The following SOX5 variants were observed in gnomAD, a reference collection of about 807,000 sequenced individuals.
The protein encoded by SOX5 is SRY-box transcription factor 5.
SOX5 carries 9 observed loss-of-function variants against 92.0 expected under a neutral mutation model. The ratio of observed to expected loss-of-function variants is 0.10; its 90% CI spans 0.06 to 0.17. The LOEUF (loss-of-function observed/expected upper bound fraction) is 0.17, where lower values mean the gene tolerates loss of function less well. SOX5 is among the 10% of genes least tolerant of loss of function. The probability of loss-of-function intolerance (pLI) is 1.00; values close to 1 mark genes in which losing one functional copy is unlikely to be tolerated. For missense variants in SOX5, 642 were observed against 944.5 expected (o/e 0.68, Z 4.20); for synonymous variants, 344 against 336.3 (o/e 1.02, Z -0.25).
At chr12:23,904,291 T>C (rs1176889499) in intron 1 of SOX5, among the ~76,000 whole-genome samples, 1 of 152,150 alleles carries the variant, frequency 6.6e-6, no homozygotes, top group Non-Finnish European at 1.5e-5. Context: ...ATATAGAACA[T>C]GCCAATCTCC....
intron 4 of SOX5, among the ~76,000 whole-genome samples, chr12:24,063,268 A>G (rs964080674): frequency 2.6e-5 from 4 of 152,202 alleles, no homozygotes; most frequent in South Asian, 4.1e-4. Flanking sequence ...TGTCTTAATC[A>G]TAATTTTATA....
intron 4 of SOX5, among the ~76,000 whole-genome samples, chr12:24,047,313 C>T (rs2137071728): frequency 6.6e-6 from 1 of 152,172 alleles, no homozygotes; most frequent in East Asian, 1.9e-4. Flanking sequence ...AATACTTCTG[C>T]CTCAGAAAAA....
chr12:24,410,493 C>T (rs1174242171), intron 1 of SOX5, among the ~76,000 whole-genome samples: 1 of 152,154 alleles, frequency 6.6e-6, no homozygotes, highest in Non-Finnish European at 1.5e-5. Context: ...AGTTATAAGA[C>T]GTAGGTCAAG....
Position 23,936,680 on chromosome 12 carries a change from C to A in SOX5, c.38+12884G>T, listed in dbSNP as rs973634155. ...GCACCATCCAATAGAAATATGAGAG[C>A]CACAAATATGAGGCACACGTGTAAT... On this transcript the variant is annotated intron_variant, in intron 1 of 14. Transcript: ENST00000451604. 2.0e-5 allele frequency among the ~76,000 whole-genome samples: 3 copies of A among 150,804 alleles called. No homozygotes were observed. In the Admixed American group the frequency reaches 2.0e-4, roughly 10 times the overall value.
intron 1 of SOX5, among the ~76,000 whole-genome samples, chr12:24,489,988 C>T (rs755205915): frequency 6.6e-6 from 1 of 152,244 alleles, no homozygotes; most frequent in Non-Finnish European, 1.5e-5. Flanking sequence ...TCACTCACTA[C>T]TGCCCACAGA....
At chr12:23,796,449 T>C (rs2142055841) in intron 3 of SOX5, among the ~76,000 whole-genome samples, 1 of 152,240 alleles carries the variant, frequency 6.6e-6, no homozygotes, top group South Asian at 2.1e-4. Flanking sequence ...CACATATTCA[T>C]AGCTGAGTTG....
chr12:23,537,376 TAGCC>T (rs1940771295), intron 13 of SOX5, among the ~76,000 whole-genome samples: 1 of 152,108 alleles, frequency 6.6e-6, no homozygotes, highest in Non-Finnish European at 1.5e-5. Flanking sequence ...TGGACTAACT[TAGCC>T]AGGGTCATAA....
At chr12:24,386,417 T>C (rs1051886882) in intron 1 of SOX5, among the ~76,000 whole-genome samples, 1 of 152,186 alleles carries the variant, frequency 6.6e-6, no homozygotes, top group South Asian at 2.1e-4. Context: ...GTATTAAATA[T>C]AAGTGTAATT....
intron 4 of SOX5, among the ~76,000 whole-genome samples, chr12:24,078,351 C>G (rs75825834): frequency 1.3e-5 from 2 of 151,872 alleles, no homozygotes; most frequent in Non-Finnish European, 2.9e-5. Flanking sequence ...ACAGAAGATA[C>G]GATGTTTGTT....
chr12:24,455,087 C>T (rs1320739593), intron 1 of SOX5, among the ~76,000 whole-genome samples: 1 of 152,186 alleles, frequency 6.6e-6, no homozygotes, highest in Non-Finnish European at 1.5e-5. Context: ...GATAGTGGAT[C>T]AAGTTAGCTT....
chr12:23,580,454 T>C (rs945417125), intron 9 of SOX5, among the ~76,000 whole-genome samples: 3 of 152,034 alleles, frequency 2.0e-5, no homozygotes, highest in African/African-American at 7.2e-5. Context: ...CTTGGTGACT[T>C]TTTTTGTGCT....
intron 4 of SOX5, among the ~76,000 whole-genome samples, chr12:24,037,942 T>C (rs765194653): frequency 2.6e-5 from 4 of 152,154 alleles, no homozygotes; most frequent in East Asian, 1.9e-4. Flanking sequence ...ACTTGACACT[T>C]GAACGCATTA....
intron 4 of SOX5, among the ~76,000 whole-genome samples, chr12:23,984,056 T>G (rs1041899708): frequency 8.5e-5 from 13 of 152,112 alleles, no homozygotes; most frequent in Non-Finnish European, 1.5e-5. Flanking sequence ...GGCCAACCTC[T>G]CCTCCTTTGA....
At chr12:23,705,531 G>A (rs2091277056) in intron 6 of SOX5, among the ~76,000 whole-genome samples, 1 of 151,854 alleles carries the variant, frequency 6.6e-6, no homozygotes, top group Non-Finnish European at 1.5e-5. Context: ...TTCTCAACCT[G>A]ACTGTAATTA....
At chr12:24,197,880 A>G (rs1957155878) in intron 4 of SOX5, among the ~76,000 whole-genome samples, 2 of 152,292 alleles carry the variant, frequency 1.3e-5, no homozygotes, top group Admixed American at 6.5e-5. Flanking sequence ...AGGGACTCAC[A>G]GTTTGGTGTC....
intron 3 of SOX5, among the ~76,000 whole-genome samples, chr12:23,770,048 G>GT (rs71059922): frequency 0.41 from 43,108 of 106,376 alleles, 9,110 homozygotes; most frequent in East Asian, 0.54. Context: ...TGCTCCCTCT[G>GT]TTTTTTTTTT....
At chr12:23,643,887 G>T (rs2080466781) in intron 7 of SOX5, among the ~76,000 whole-genome samples, 1 of 152,042 alleles carries the variant, frequency 6.6e-6, no homozygotes, top group South Asian at 2.1e-4. Flanking sequence ...GCAAGATTCA[G>T]ATGAGGAGCA....
intron 1 of SOX5, among the ~76,000 whole-genome samples, chr12:24,485,481 C>G (rs951174610): frequency 5.3e-5 from 8 of 152,138 alleles, no homozygotes; most frequent in African/African-American, 1.9e-4. Flanking sequence ...AATGACTCGA[C>G]CAGAAAGGCT....
chr12:24,408,718 T>C (rs1963501306), intron 1 of SOX5, among the ~76,000 whole-genome samples: 1 of 152,244 alleles, frequency 6.6e-6, no homozygotes, highest in African/African-American at 2.4e-5. Flanking sequence ...TGTTCTATGG[T>C]ATGGATTGTT....
Sources: gnomAD v4.1 joint callset for allele counts (sites outside exome capture counted in the v4.1 genomes callset) on GRCh38, gnomAD v4.1.1 for gene constraint, MANE v1.5 for transcripts, NCBI Gene and HGNC (gene_info 2026-07-23, HGNC 2026-07-21) for gene names.